The following FBXO4 variants were observed in gnomAD, a reference collection of about 807,000 sequenced individuals.
FBXO4 encodes F-box protein 4, also known as F-box only protein 4.
Under a neutral mutation model 43.7 loss-of-function variants are expected in FBXO4, and 36 were observed. The observed-to-expected ratio is 0.82, with a 90% CI of 0.63 to 1.09. The LOEUF (loss-of-function observed/expected upper bound fraction) is 1.09. Ranked by LOEUF, FBXO4 falls within the 50% of genes least tolerant of loss-of-function variation. The pLI is 0.00. For synonymous variants in FBXO4, 180 were observed against 165.6 expected (o/e 1.09, Z -0.67); for missense variants, 435 against 474.1 (o/e 0.92, Z 0.77).
At chr5:41,940,600 A>C (rs887981156) in intron 6 of FBXO4, among the ~76,000 whole-genome samples, 9 of 152,210 alleles carry the variant, frequency 5.9e-5, no homozygotes, top group African/African-American at 1.9e-4. Flanking sequence ...TTCTTCAAAC[A>C]AAACCTGACA....
At chr5:41,942,190 T>C (rs1481050314), downstream of FBXO4, among the ~76,000 whole-genome samples, 1 of 152,074 alleles carries the variant, frequency 6.6e-6, no homozygotes, top group Admixed American at 6.6e-5. Context: ...TGTTTTAACC[T>C]TTTTGTTGAG....
chr5:41,936,895 A>G (rs1282953209), intron 5 of FBXO4, among the ~76,000 whole-genome samples: 1 of 151,786 alleles, frequency 6.6e-6, no homozygotes, highest in Non-Finnish European at 1.5e-5. Flanking sequence ...TGAACCATAC[A>G]GTTTTTTTGT....
At chr5:41,956,039 T>A in the FBXO4 span, among the ~76,000 whole-genome samples, 2 of 152,176 alleles carry the variant, frequency 1.3e-5, no homozygotes, top group Admixed American at 6.5e-5. Flanking sequence ...TACAAAAATA[T>A]TAAGATCTAA....
the FBXO4 span, among the ~76,000 whole-genome samples, chr5:41,966,217 A>G: frequency 2.0e-5 from 3 of 152,198 alleles, no homozygotes; most frequent in Non-Finnish European, 4.4e-5. Context: ...TACTGGGTGC[A>G]GCACACCAAC....
chr5:41,959,910 T>G, the FBXO4 span, among the ~76,000 whole-genome samples: 2 of 152,146 alleles, frequency 1.3e-5, no homozygotes, highest in South Asian at 4.1e-4. Context: ...TCATTGGAAT[T>G]TGTATAGGGA....
At chr5:41,945,312 G>A (rs1454263119), downstream of FBXO4, among the ~76,000 whole-genome samples, 3 of 152,156 alleles carry the variant, frequency 2.0e-5, no homozygotes, top group African/African-American at 7.2e-5. Context: ...TAGATGCTTG[G>A]TAAATATTTT....
the FBXO4 span, among the ~76,000 whole-genome samples, chr5:42,027,477 T>A: frequency 6.6e-6 from 1 of 151,800 alleles, no homozygotes; most frequent in Non-Finnish European, 1.5e-5. Context: ...TTTGTTTAAC[T>A]TTTTTGAAAA....
chr5:41,998,896 GCTCGGTATCTC>G, the FBXO4 span, among the ~76,000 whole-genome samples: 2 of 152,040 alleles, frequency 1.3e-5, no homozygotes, highest in African/African-American at 4.8e-5. Context: ...CACATTTGAG[GCTCGGTATCTC>G]CTTCTGAAGC....
chr5:41,938,006 C>A (rs1313458080), intron 5 of FBXO4, among the ~76,000 whole-genome samples: 1 of 152,092 alleles, frequency 6.6e-6, no homozygotes, highest in Admixed American at 6.6e-5. Context: ...TGATTGTTAA[C>A]AGATCTTCAC....
chr5:41,966,608 T>G, the FBXO4 span, among the ~76,000 whole-genome samples: 1 of 152,202 alleles, frequency 6.6e-6, no homozygotes, highest in Non-Finnish European at 1.5e-5. Flanking sequence ...AGTTTTTATT[T>G]TTTTCCTAGC....
chr5:42,016,363 C>CT, the FBXO4 span, among the ~76,000 whole-genome samples: 27 of 149,288 alleles, frequency 1.8e-4, no homozygotes, highest in African/African-American at 2.7e-4. Context: ...CCCCTCCCTC[C>CT]TTTTTTTTTT....
chr5:42,025,182 AG>A, the FBXO4 span, among the ~76,000 whole-genome samples: 4 of 152,076 alleles, frequency 2.6e-5, no homozygotes, highest in African/African-American at 9.6e-5. Flanking sequence ...AATAGTGGAT[AG>A]GGTTCCCTTT....
In FBXO4 at chr5:41,934,191, C is replaced by A. The variant is rs559988406; in HGVS notation, c.781C>A (p.Arg261=). 2 of 1,613,900 alleles carry A rather than the reference C, an allele frequency of 1.2e-6. No homozygotes were observed. The highest frequency in any genetic ancestry group is 2.2e-5 in the East Asian group (1 of 44,854). Residue 261 remains arginine (R), a synonymous_variant, in exon 5 of 7, where the codon CGA becomes AGA. Coordinates refer to ENST00000281623, the MANE Select transcript of FBXO4 (RefSeq NM_012176.3). ...HTSAVNKMFS[R]HNEGDDQQGS... ...AAGTGCAGTTAACAAGATGTTCAGT[C>A]GACACAATGAAGGTGATGATCAACA...
chr5:41,956,586 C>CA, the FBXO4 span, among the ~76,000 whole-genome samples: 2 of 151,892 alleles, frequency 1.3e-5, no homozygotes, highest in African/African-American at 4.8e-5. Context: ...TATAGATTTA[C>CA]AGACTAACAG....
chr5:41,986,638 A>T, the FBXO4 span, among the ~76,000 whole-genome samples: 2 of 152,092 alleles, frequency 1.3e-5, no homozygotes, highest in African/African-American at 4.8e-5. Flanking sequence ...TTTGTTTGGG[A>T]TGTTTATGTG....
chr5:41,930,081 C>T (rs1425635573), intron 3 of FBXO4, 164 bp downstream of exon 3: 32 of 570,372 alleles, frequency 5.6e-5, no homozygotes, highest in Non-Finnish European at 9.1e-5. Flanking sequence ...AATTAATTTA[C>T]TTACTATAAG....
At chr5:42,037,764 G>A in the FBXO4 span, among the ~76,000 whole-genome samples, 860 of 152,130 alleles carry the variant, frequency 5.7e-3, 15 homozygotes, top group African/African-American at 0.02. Context: ...TTCAAGACCC[G>A]ATGCTTTCAT....
chr5:42,027,431 C>T, the FBXO4 span, among the ~76,000 whole-genome samples: 1 of 151,638 alleles, frequency 6.6e-6, no homozygotes, highest in Non-Finnish European at 1.5e-5. Context: ...TAGATCTTCT[C>T]TTTTTTCTTC....
chr5:42,011,063 T>G, the FBXO4 span, among the ~76,000 whole-genome samples: 1 of 152,128 alleles, frequency 6.6e-6, no homozygotes, highest in East Asian at 1.9e-4. Context: ...TGTGTGATGT[T>G]CCCTTTCCTG....
Sources: allele counts gnomAD v4.1 joint callset (sites outside exome capture counted in the v4.1 genomes callset), GRCh38; gene constraint gnomAD v4.1.1; transcripts MANE v1.5; gene names NCBI Gene and HGNC (gene_info 2026-07-23, HGNC 2026-07-21).